The following FAM20A variants were observed in gnomAD, a reference collection of about 807,000 sequenced individuals.
FAM20A encodes FAM20A golgi associated secretory pathway pseudokinase.
A neutral mutation model predicts 52.0 loss-of-function variants in FAM20A; 42 were observed. The observed-to-expected ratio is 0.81, with a 90% CI of 0.63 to 1.04. The LOEUF (loss-of-function observed/expected upper bound fraction) is 1.04, where lower values mean the gene tolerates loss of function less well. Among genes scored for constraint, FAM20A ranks in the 50% least tolerant of loss-of-function variants. The pLI is 0.00. For missense variants in FAM20A, 742 were observed against 712.7 expected, an observed-to-expected ratio of 1.04 and a Z score of -0.47; for synonymous variants, 304 against 298.9, an observed-to-expected ratio of 1.02 and a Z score of -0.18.
At chr17:68,563,386 C>A (rs1236587128) in intron 1 of FAM20A, among the ~76,000 whole-genome samples, 1 of 117,868 alleles carries the variant, frequency 8.5e-6, no homozygotes, top group Admixed American at 8.5e-5. Context: ...GACTCCGTCT[C>A]AAAAAAAAAA....
intron 3 of FAM20A, among the ~76,000 whole-genome samples, chr17:68,553,775 C>T (rs2086946308): frequency 6.8e-6 from 1 of 147,074 alleles, no homozygotes. Flanking sequence ...TACATATATA[C>T]ATATATACAT....
chr17:68,551,954 G>C lies in FAM20A; in HGVS notation c.641-3C>G. 1 of 1,576,026 alleles carries C rather than the reference G, an allele frequency of 6.3e-7. No individual in the cohort carries two copies. Among genetic ancestry groups the C allele is most frequent in the Non-Finnish European group, 8.6e-7 (1 of 1,157,498 alleles). On this transcript the variant is annotated splice_polypyrimidine_tract_variant and splice_region_variant and intron_variant, in intron 3 of 10. Transcript: ENST00000592554. ...GTGGACCCCACTGGGTTTCACAACT[G>C]TGAAAGGCAGAAGGGTGAGTTAACC...
At chr17:68,566,753 A>G (rs1199453151) in intron 1 of FAM20A, among the ~76,000 whole-genome samples, 1 of 152,220 alleles carries the variant, frequency 6.6e-6, no homozygotes, top group African/African-American at 2.4e-5. Context: ...AATCATTTTG[A>G]TTGCACTGGA....
chr17:68,555,630 A>G lies in FAM20A; in HGVS notation c.518T>C (p.Leu173Pro). The G allele has an allele frequency of 6.2e-7, 1 of 1,613,708 alleles. No homozygotes were observed. The highest frequency in any genetic ancestry group is 1.1e-5 in the South Asian group (1 of 91,062). Residue 173 changes from leucine to proline, a missense_variant, in exon 2 of 11, where the codon CTC (leucine) becomes CCC (proline). Coordinates refer to ENST00000592554, the MANE Select transcript of FAM20A (RefSeq NM_017565.4). ...GACAACAGGGCTGGACCGGGAGTAGAGCCCATGGCGGTTAATACCCAGGTG... is the reference window on the plus strand; with the variant it reads ...GACAACAGGGCTGGACCGGGAGTAGGGCCCATGGCGGTTAATACCCAGGTG... ...QFHLGINRHG[L>P]YSRSSPVVSK...
chr17:68,549,213 G>A (rs1042574227), intron 4 of FAM20A, among the ~76,000 whole-genome samples: 5 of 152,038 alleles, frequency 3.3e-5, no homozygotes, highest in Non-Finnish European at 5.9e-5. Context: ...AAAGGCATCC[G>A]GCCAGGTGCA....
intron 5 of FAM20A, 74 bp downstream of exon 5, chr17:68,543,555 A>AG: frequency 7.6e-7 from 1 of 1,310,810 alleles, no homozygotes; most frequent in Non-Finnish European, 1.1e-6. Context: ...TCCCACCTTG[A>AG]GGGTCTGTCT....
chr17:68,535,957 A>G lies in FAM20A; in HGVS notation c.*1520T>C, dbSNP rs1415255960. 8.8e-6 allele frequency: 4 copies of G among 454,038 alleles called. No individual in the cohort carries two copies. The highest frequency in any genetic ancestry group is 2.0e-5 in the African/African-American group (1 of 50,016). The allele number at this position is 454,038 out of a possible 1,614,324, so 28.1% of individuals were successfully genotyped here. On this transcript the variant is annotated 3_prime_UTR_variant, in exon 11 of 11. Coordinates refer to ENST00000592554, the MANE Select transcript of FAM20A (RefSeq NM_017565.4). Reference sequence around the variant, plus strand: ...TCTCTCTGAGATTTAAAGTTCTTCCATGCACATTGGAGGATGGGGGTTGTA... The same window carrying G: ...TCTCTCTGAGATTTAAAGTTCTTCCGTGCACATTGGAGGATGGGGGTTGTA...
At chr17:68,553,171 T>C (rs545173880) in intron 3 of FAM20A, among the ~76,000 whole-genome samples, 34 of 152,110 alleles carry the variant, frequency 2.2e-4, no homozygotes, top group Admixed American at 3.3e-4. Flanking sequence ...TCACGAGATC[T>C]CATGGTTTTA....
At chr17:68,595,041 A>G (rs1361025863) in intron 1 of FAM20A, among the ~76,000 whole-genome samples, 1 of 152,166 alleles carries the variant, frequency 6.6e-6, no homozygotes, top group Non-Finnish European at 1.5e-5. Flanking sequence ...CATCTACCAC[A>G]TGCACCTATT....
At chr17:68,539,526 T>C in intron 9 of FAM20A, 130 bp from the exon 10 acceptor site, 1 of 804,616 alleles carries the variant, frequency 1.2e-6, no homozygotes, top group Non-Finnish European at 2.1e-6. Flanking sequence ...GGCAGCTGCC[T>C]CTCCAGCCCC....
chr17:68,594,751 C>T (rs2088408425), intron 1 of FAM20A, among the ~76,000 whole-genome samples: 1 of 152,216 alleles, frequency 6.6e-6, no homozygotes, highest in African/African-American at 2.4e-5. Flanking sequence ...TGCCACATGG[C>T]CCCTCCATCT....
In FAM20A at chr17:68,537,364, C is replaced by T. The variant is rs766934945; in HGVS notation, c.*113G>A. ...GTTTGAGAAAATGTCCTGCTTCCTT[C>T]CTAGCTGACTTGACTCCCAGCAGTA... is the stretch of plus-strand genomic sequence containing the variant. On this transcript the variant is annotated 3_prime_UTR_variant, in exon 11 of 11. Transcript: ENST00000592554. The surrounding 1 kb of genome is among the most constrained non-coding windows in gnomAD (Gnocchi z 4.2). 7.3e-7 allele frequency: 1 copy of T among 1,366,096 alleles called. No individual in the cohort carries two copies. The highest frequency in any genetic ancestry group is 1.2e-5 in the South Asian group (1 of 83,878). 84.6% of individuals were successfully genotyped at this position (1,366,096 alleles called of 1,614,324 possible).
intron 1 of FAM20A, among the ~76,000 whole-genome samples, chr17:68,571,342 A>G (rs937679206): frequency 2.0e-5 from 3 of 152,200 alleles, no homozygotes; most frequent in Non-Finnish European, 4.4e-5. Flanking sequence ...CACACAGTAA[A>G]TATTCTATAA....
chr17:68,562,825 G>A (rs1459186533), intron 1 of FAM20A, among the ~76,000 whole-genome samples: 1 of 152,116 alleles, frequency 6.6e-6, no homozygotes, highest in Non-Finnish European at 1.5e-5. Context: ...TTTTTCAAAG[G>A]CTAGCAGAGA....
chr17:68,558,744 C>T (rs1016982132), intron 1 of FAM20A, among the ~76,000 whole-genome samples: 19 of 151,946 alleles, frequency 1.3e-4, no homozygotes, highest in East Asian at 1.9e-4. Context: ...TCCTCCCTCC[C>T]TCCTTTCTCT....
intron 1 of FAM20A, among the ~76,000 whole-genome samples, chr17:68,586,434 G>A (rs975218177): frequency 5.3e-5 from 8 of 152,150 alleles, no homozygotes; most frequent in Non-Finnish European, 7.4e-5. Context: ...GAAGGCTTTC[G>A]CAGATTTAAC....
chr17:68,535,986 GTGTT>G lies in FAM20A; in HGVS notation c.*1487_*1490del. 2.2e-6 allele frequency: 1 copy of G among 454,130 alleles called. No individual in the cohort carries two copies. The highest frequency in any genetic ancestry group is 1.6e-5 in the South Asian group (1 of 64,478). 28.1% of individuals were successfully genotyped at this position (454,130 alleles called of 1,614,324 possible). On this transcript the variant is annotated 3_prime_UTR_variant, in exon 11 of 11. Coordinates refer to ENST00000592554, the MANE Select transcript of FAM20A (RefSeq NM_017565.4). ...ACATTGGAGGATGGGGGTTGTATCT[GTGTT>G]TGAGAGGATTGGAAACCTGTGTGTT...
intron 1 of FAM20A, among the ~76,000 whole-genome samples, chr17:68,577,501 G>A (rs1023642291): frequency 6.6e-6 from 1 of 152,234 alleles, no homozygotes; most frequent in Non-Finnish European, 1.5e-5. Context: ...GGTTGTCATA[G>A]TTGGTGGGGA....
Position 68,601,027 on chromosome 17 carries a change from C to CGCGG in FAM20A, c.-365_-362dup, listed in dbSNP as rs2088610349. 1 of 152,328 alleles carries CGCGG rather than the reference C, an allele frequency of 6.6e-6. No individual in the cohort carries two copies. Among genetic ancestry groups the CGCGG allele is most frequent in the African/African-American group, 2.4e-5 (1 of 41,246 alleles). 9.4% of individuals were successfully genotyped at this position (152,328 alleles called of 1,614,324 possible). On this transcript the variant is annotated 5_prime_UTR_variant, in exon 1 of 11. Transcript: ENST00000592554. ...CCGGGGCGCCGGCGCCGGCTGCCAC[C>CGCGG]GCGGGCGGACGGGCGACGGGGCGGG...
Sources: gnomAD v4.1 joint callset for allele counts (sites outside exome capture counted in the v4.1 genomes callset) on GRCh38, gnomAD v4.1.1 for gene constraint, Gnocchi (gnomAD v3.1) non-coding constraint, MANE v1.5 for transcripts, NCBI Gene and HGNC (gene_info 2026-07-23, HGNC 2026-07-21) for gene names.